Variants in ATP6V0D1 observed in about 807,000 individuals in gnomAD.
The protein encoded by ATP6V0D1 is ATPase H+ transporting V0 subunit d1.
ATP6V0D1 carries 13 observed loss-of-function variants against 39.0 expected under a neutral mutation model. The observed-to-expected ratio is 0.33, with a 90% CI of 0.22 to 0.53. The LOEUF (loss-of-function observed/expected upper bound fraction) is 0.53. ATP6V0D1 is among the 20% of genes least tolerant of loss of function. The pLI is 0.94. For synonymous variants in ATP6V0D1, 191 were observed against 191.2 expected (o/e 1.00, Z 0.01); for missense variants, 272 against 470.9 (o/e 0.58, Z 3.91).
chr16:67,457,705 G>C, intron 1 of ATP6V0D1: 1 of 1,225,428 alleles, frequency 8.2e-7, no homozygotes, highest in Non-Finnish European at 1.1e-6. Flanking sequence ...CCAAGCAGAG[G>C]GCTCTCTTCT....
At chr16:67,472,380 TCCCCCAG>T (rs2041380690) in intron 1 of ATP6V0D1, among the ~76,000 whole-genome samples, 1 of 152,002 alleles carries the variant, frequency 6.6e-6, no homozygotes, top group South Asian at 2.1e-4. Context: ...CCCAATGCCC[TCCCCCAG>T]CCCCCAGCTC....
At chr16:67,452,990 C>T (rs897678409) in intron 2 of ATP6V0D1, among the ~76,000 whole-genome samples, 5 of 152,314 alleles carry the variant, frequency 3.3e-5, no homozygotes, top group South Asian at 2.1e-4. Context: ...GGCAGCTAGA[C>T]GTTCAGCCTG....
intron 4 of ATP6V0D1, among the ~76,000 whole-genome samples, chr16:67,442,467 TTA>T (rs1238317023): frequency 4.6e-5 from 7 of 151,560 alleles, no homozygotes; most frequent in South Asian, 2.1e-4. Flanking sequence ...TTTTTTTTTT[TTA>T]AATTTTTAAA....
intron 2 of ATP6V0D1, among the ~76,000 whole-genome samples, chr16:67,451,547 T>G (rs1220392906): frequency 1.3e-5 from 2 of 151,806 alleles, no homozygotes; most frequent in African/African-American, 4.8e-5. Context: ...CAGCCATCAG[T>G]GGGGATGGCT....
Position 67,439,147 on chromosome 16 carries a change from A to G in ATP6V0D1, c.640T>C (p.Phe214Leu). 6.2e-7 allele frequency: 1 copy of G among 1,613,908 alleles called. No homozygotes were observed. Among genetic ancestry groups the G allele is most frequent in the Non-Finnish European group, 8.5e-7 (1 of 1,179,808 alleles). Reference protein sequence around the residue: ...TADAMCPILEFEADRRAFIIT... With the variant: ...TADAMCPILELEADRRAFIIT... ...ATGAAGGCGCGGCGGTCTGCTTCAA[A>G]CTGTGGAGCCAGTGCACAGGTAAGA... The change falls in exon 6 of 8, where the codon TTT becomes CTT. Residue 214 changes from phenylalanine (F) to leucine (L), a missense_variant and splice_region_variant. Around this residue, in one of 4 missense-constraint regions of ATP6V0D1, gnomAD observed 135 missense variants for 273.8 expected, o/e 0.49. Transcript: ENST00000290949.
intron 1 of ATP6V0D1, among the ~76,000 whole-genome samples, chr16:67,466,378 A>AC (rs1429363816): frequency 1.5e-5 from 2 of 134,482 alleles, no homozygotes; most frequent in African/African-American, 5.6e-5. Flanking sequence ...CACACACACA[A>AC]AATTAGCCAG....
chr16:67,445,013 C>G (rs1300393275), intron 2 of ATP6V0D1, among the ~76,000 whole-genome samples: 1 of 152,158 alleles, frequency 6.6e-6, no homozygotes, highest in East Asian at 1.9e-4. Context: ...AGTGTTCTAA[C>G]AGGACACAGG....
chr16:67,457,156 C>T (rs1410296993), intron 1 of ATP6V0D1: 1 of 161,578 alleles, frequency 6.2e-6, no homozygotes, highest in African/African-American at 2.4e-5. Flanking sequence ...CAGATCTACT[C>T]TAACTGGAAA....
intron 1 of ATP6V0D1, among the ~76,000 whole-genome samples, chr16:67,470,084 T>C (rs1385168564): frequency 6.6e-6 from 1 of 152,208 alleles, no homozygotes; most frequent in African/African-American, 2.4e-5. Context: ...ATGGTTTACT[T>C]AACCAGACCA....
intron 1 of ATP6V0D1, chr16:67,459,229 T>G (rs1291682814): frequency 5.1e-6 from 5 of 985,376 alleles, no homozygotes; most frequent in Non-Finnish European, 6.0e-6. Flanking sequence ...CAGGAAATAG[T>G]GCTGCTTTCT....
intron 4 of ATP6V0D1, among the ~76,000 whole-genome samples, chr16:67,442,328 C>T (rs1403792448): frequency 1.3e-5 from 2 of 152,270 alleles, no homozygotes; most frequent in African/African-American, 2.4e-5. Context: ...GCTTTGGGGC[C>T]TGCCCACTGC....
intron 1 of ATP6V0D1, among the ~76,000 whole-genome samples, chr16:67,472,707 C>A (rs904750229): frequency 6.6e-6 from 1 of 151,994 alleles, no homozygotes; most frequent in African/African-American, 2.4e-5. Flanking sequence ...TTCTACTAAA[C>A]AAAATACAAA....
intron 1 of ATP6V0D1, among the ~76,000 whole-genome samples, chr16:67,476,222 A>C (rs1451720766): frequency 1.1e-5 from 1 of 95,150 alleles, no homozygotes; most frequent in Non-Finnish European, 1.8e-5. Context: ...ATTCCATTCC[A>C]AAAAAAAAAA....
chr16:67,459,376 A>AGG (rs2041271032), intron 1 of ATP6V0D1: 9 of 603,486 alleles, frequency 1.5e-5, no homozygotes, highest in Non-Finnish European at 1.5e-5. Context: ...TGGCTCCAGC[A>AGG]GGGGCAGCTG....
chr16:67,452,470 T>G, intron 2 of ATP6V0D1: 30 of 1,428,768 alleles, frequency 2.1e-5, no homozygotes, highest in East Asian at 2.5e-5. Flanking sequence ...CATCTAACTC[T>G]GTCCCTGCAG....
At chr16:67,466,370 CACACACAA>C (rs1430262955) in intron 1 of ATP6V0D1, among the ~76,000 whole-genome samples, 10 of 143,846 alleles carry the variant, frequency 7.0e-5, no homozygotes, top group African/African-American at 2.4e-4. Flanking sequence ...CACACACACA[CACACACAA>C]AATTAGCCAG....
intron 1 of ATP6V0D1, among the ~76,000 whole-genome samples, chr16:67,463,823 G>A (rs750424557): frequency 2.6e-5 from 4 of 152,004 alleles, no homozygotes; most frequent in Non-Finnish European, 2.9e-5. Context: ...GGACAGGTGC[G>A]GGGGCAACAG....
At chr16:67,441,098 C>T (rs1020121656) in intron 4 of ATP6V0D1, 9 of 152,292 alleles carry the variant, frequency 5.9e-5, no homozygotes, top group Non-Finnish European at 4.4e-5. Flanking sequence ...ATTGCTTAGC[C>T]AATCTGTACC....
Position 67,453,857 on chromosome 16 carries a change from G to A in ATP6V0D1, c.131-142C>T. The stretch of plus-strand genomic sequence containing the variant: ...TACCCTGATCTCCATCTCCCTGTTG[G>A]CTCAGGGCCTACCACAGGGCAATCA... On this transcript the variant is annotated intron_variant, in intron 1 of 7. Transcript: ENST00000290949. This position sits in a 1 kb window ranked among gnomAD's most constrained non-coding sequence, Gnocchi z 4.1. 1.3e-6 allele frequency: 1 copy of A among 769,304 alleles called. No individual in the cohort carries two copies. Among genetic ancestry groups the A allele is most frequent in the East Asian group, 2.7e-5 (1 of 37,686 alleles). The allele number at this position is 769,304 out of a possible 1,614,324, so 47.7% of individuals were successfully genotyped here.
Sources: allele counts gnomAD v4.1 joint callset (sites outside exome capture counted in the v4.1 genomes callset), GRCh38; gene constraint gnomAD v4.1.1; regional missense constraint gnomAD v4.1.1; non-coding constraint Gnocchi (gnomAD v3.1); transcripts MANE v1.5; gene names NCBI Gene and HGNC (gene_info 2026-07-23, HGNC 2026-07-21).